The following ENPP6 variants were observed in gnomAD, a reference collection of about 807,000 sequenced individuals.
ENPP6 encodes ectonucleotide pyrophosphatase/phosphodiesterase 6.
ENPP6 carries 32 observed loss-of-function variants against 42.0 expected under a neutral mutation model. That is an observed-to-expected ratio of 0.76 (90% confidence interval 0.58 to 1.02). The LOEUF (loss-of-function observed/expected upper bound fraction) is 1.02, where lower values mean the gene tolerates loss of function less well. Among genes scored for constraint, ENPP6 ranks in the 50% least tolerant of loss-of-function variants. The pLI, the probability that ENPP6 is intolerant of heterozygous loss-of-function variation, is 0.00. For missense variants in ENPP6, 552 were observed against 566.8 expected, an observed-to-expected ratio of 0.97 and a Z score of 0.27; for synonymous variants, 213 against 216.0, an observed-to-expected ratio of 0.99 and a Z score of 0.12.
intron 2 of ENPP6, among the ~76,000 whole-genome samples, chr4:184,130,118 G>A (rs974901655): frequency 6.6e-6 from 1 of 152,188 alleles, no homozygotes; most frequent in Admixed American, 6.5e-5. Context: ...GAAAGACAAG[G>A]TGTGCTGCTG....
At chr4:184,125,779 A>G (rs1736493672) in intron 2 of ENPP6, among the ~76,000 whole-genome samples, 1 of 152,192 alleles carries the variant, frequency 6.6e-6, no homozygotes, top group Admixed American at 6.5e-5. Flanking sequence ...TGAGAGGGAA[A>G]AATAGGCTAG....
intron 2 of ENPP6, among the ~76,000 whole-genome samples, chr4:184,148,850 C>T (rs764469577): frequency 1.3e-5 from 2 of 152,098 alleles, no homozygotes; most frequent in Non-Finnish European, 2.9e-5. Context: ...CATCAAGGAC[C>T]GCTTGGCAGT....
chr4:184,206,406 C>A (rs572909761), intron 1 of ENPP6, among the ~76,000 whole-genome samples: 1 of 105,904 alleles, frequency 9.4e-6, no homozygotes. Context: ...TACAGGCGGG[C>A]GCCACCAGGC....
intron 5 of ENPP6, among the ~76,000 whole-genome samples, chr4:184,115,606 C>T (rs187301170): frequency 9.4e-4 from 143 of 152,288 alleles, no homozygotes; most frequent in Admixed American, 3.5e-3. Context: ...GCAGTGGGCT[C>T]AGCGTGCTTC....
chr4:184,194,197 A>C (rs1454799903), intron 1 of ENPP6, among the ~76,000 whole-genome samples: 1 of 152,160 alleles, frequency 6.6e-6, no homozygotes, highest in African/African-American at 2.4e-5. Flanking sequence ...AGAAGTCACC[A>C]CCTGAATGTC....
At chr4:184,210,011 A>T (rs1342472983) in intron 1 of ENPP6, among the ~76,000 whole-genome samples, 1 of 149,474 alleles carries the variant, frequency 6.7e-6, no homozygotes, top group Non-Finnish European at 1.5e-5. Flanking sequence ...AGGAGAAATA[A>T]AATACTTTAC....
intron 1 of ENPP6, among the ~76,000 whole-genome samples, chr4:184,191,462 C>T (rs1374334430): frequency 6.6e-6 from 1 of 152,168 alleles, no homozygotes; most frequent in Non-Finnish European, 1.5e-5. Context: ...AGGAGTGCTA[C>T]AGAGATAGGC....
At chr4:184,211,378 A>G (rs1343603750) in intron 1 of ENPP6, among the ~76,000 whole-genome samples, 2 of 152,184 alleles carry the variant, frequency 1.3e-5, no homozygotes, top group East Asian at 1.9e-4. Flanking sequence ...AGAATCAAAT[A>G]GACGCAATAA....
chr4:184,119,133 T>C (rs551485420), intron 3 of ENPP6, among the ~76,000 whole-genome samples: 2 of 152,332 alleles, frequency 1.3e-5, no homozygotes, highest in South Asian at 4.1e-4. Context: ...GAACTACTGA[T>C]TGGAGTTCAG....
chr4:184,097,425 G>C, intron 6 of ENPP6, 57 bp from the exon 7 acceptor site: 1 of 1,599,974 alleles, frequency 6.3e-7, no homozygotes, highest in Non-Finnish European at 8.5e-7. Context: ...CGCTGAGCGG[G>C]CATCTGCTCC....
chr4:184,170,345 A>G (rs10866266), intron 1 of ENPP6, among the ~76,000 whole-genome samples: 147,310 of 152,062 alleles, frequency 0.97, 71,535 homozygotes, highest in East Asian at 1. Flanking sequence ...CAGGAGAATC[A>G]CTTGAGCCAG....
chr4:184,107,691 G>T (rs528593191), intron 6 of ENPP6, among the ~76,000 whole-genome samples: 5 of 152,132 alleles, frequency 3.3e-5, no homozygotes, highest in Non-Finnish European at 5.9e-5. Context: ...TGAGGTGGGC[G>T]GATCACGAGG....
Position 184,125,577 on chromosome 4 carries a change from G to A in ENPP6, c.422-1305C>T, listed in dbSNP as rs1269705191. ...GTACATCTGCCAGCTGGTTACAGCTGATTTAAAAGATGACAGGGCAGCCTC... is the reference window on the plus strand; with the variant it reads ...GTACATCTGCCAGCTGGTTACAGCTAATTTAAAAGATGACAGGGCAGCCTC... On this transcript the variant is annotated intron_variant, in intron 2 of 7. Transcript: ENST00000296741. Among the ~76,000 whole-genome samples, 4 of 152,076 alleles carry A rather than the reference G, an allele frequency of 2.6e-5. No individual in the cohort carries two copies. In the East Asian group the frequency reaches 7.7e-4, roughly 29 times the overall value.
At chr4:184,109,520 C>T (rs944064064) in intron 6 of ENPP6, among the ~76,000 whole-genome samples, 1 of 152,146 alleles carries the variant, frequency 6.6e-6, no homozygotes, top group East Asian at 1.9e-4. Flanking sequence ...CAGCCCTTAT[C>T]ATTAGTAATT....
At chr4:184,126,781 A>G (rs1397002971) in intron 2 of ENPP6, among the ~76,000 whole-genome samples, 3 of 152,222 alleles carry the variant, frequency 2.0e-5, no homozygotes, top group African/African-American at 7.2e-5. Context: ...GGAAAAATGA[A>G]TCTAACTAAA....
chr4:184,208,936 C>G (rs1361768740), intron 1 of ENPP6, among the ~76,000 whole-genome samples: 2 of 143,860 alleles, frequency 1.4e-5, no homozygotes, highest in Admixed American at 7.1e-5. Flanking sequence ...CCCCTGACCC[C>G]CGAGCAGCCT....
At chr4:184,208,148 G>C (rs982764391) in intron 1 of ENPP6, among the ~76,000 whole-genome samples, 1 of 152,132 alleles carries the variant, frequency 6.6e-6, no homozygotes, top group African/African-American at 2.4e-5. Context: ...TAGAATATTA[G>C]TGGGCACCCA....
At chr4:184,212,082 C>T (rs1335046855) in intron 1 of ENPP6, among the ~76,000 whole-genome samples, 1 of 151,748 alleles carries the variant, frequency 6.6e-6, no homozygotes, top group Non-Finnish European at 1.5e-5. Context: ...ATTGATGGGA[C>T]TTATTTCAAA....
chr4:184,152,035 C>A (rs1455564854), intron 2 of ENPP6, among the ~76,000 whole-genome samples: 1 of 152,220 alleles, frequency 6.6e-6, no homozygotes, highest in African/African-American at 2.4e-5. Context: ...GATCAACCCC[C>A]CTGAAGCTGT....
Sources: allele counts gnomAD v4.1 joint callset (sites outside exome capture counted in the v4.1 genomes callset), GRCh38; gene constraint gnomAD v4.1.1; transcripts MANE v1.5; gene names NCBI Gene and HGNC (gene_info 2026-07-23, HGNC 2026-07-21).